Variants in PCNT observed in about 807,000 individuals in gnomAD.
PCNT encodes the protein pericentrin.
In PCNT, 319 loss-of-function variants were observed where a neutral mutation model predicts 380.4. The observed-to-expected ratio is 0.84, with a 90% CI of 0.77 to 0.92. The LOEUF is 0.92. PCNT is among the 40% of genes least tolerant of loss of function. PCNT has a pLI of 0.00. For missense variants in PCNT, 4,400 were observed against 4,255.3 expected (o/e 1.03, Z -0.95); for synonymous variants, 1,845 against 1,735.2 (o/e 1.06, Z -1.57).
Position 46,398,239 on chromosome 21 carries a change from C to A in PCNT, c.4568C>A (p.Ala1523Glu). 1 of 1,607,398 alleles carries A rather than the reference C, an allele frequency of 6.2e-7. No individual in the cohort carries two copies. The highest frequency in any genetic ancestry group is 2.2e-5 in the East Asian group (1 of 44,716). Residue 1523 changes from alanine (A) to glutamate (E), a missense_variant, in exon 24 of 47, where the codon GCG becomes GAG. Coordinates refer to ENST00000359568, the MANE Select transcript of PCNT (RefSeq NM_006031.6). ...CCATGTACATGAAATCGGCAGCAGG[C>A]GCCGCTGGATGGAGAGGTGAGGAGG... ...QPWGPRDSQQ[A>E]PLDGEVELLQ...
chr21:46,421,302 C>T (rs2087239333), intron 31 of PCNT, among the ~76,000 whole-genome samples: 1 of 143,620 alleles, frequency 7.0e-6, no homozygotes, highest in South Asian at 2.1e-4. Flanking sequence ...CATCCTCATC[C>T]TCCTGTTTTG....
intron 27 of PCNT, among the ~76,000 whole-genome samples, chr21:46,406,823 T>G (rs968807948): frequency 1.3e-5 from 2 of 152,268 alleles, no homozygotes; most frequent in African/African-American, 4.8e-5. Context: ...TTTTTCTCTT[T>G]TATTCTACTA....
intron 29 of PCNT, among the ~76,000 whole-genome samples, chr21:46,414,252 G>A (rs1031497871): frequency 4.1e-4 from 63 of 151,998 alleles, no homozygotes; most frequent in Middle Eastern, 3.4e-3. Flanking sequence ...TCAGCCTCCC[G>A]AAGTGCTGGG....
Position 46,356,215 on chromosome 21 carries a change from C to T in PCNT, c.1936+589C>T, listed in dbSNP as rs189031265. ...CTGTGCTGATGGTGGGGCTGCCGTC[C>T]ATGGTGGGGGTGAGGGGCTGAGGCC... On this transcript the variant is annotated intron_variant, in intron 12 of 46. Coordinates refer to ENST00000359568, the MANE Select transcript of PCNT (RefSeq NM_006031.6). Among the ~76,000 whole-genome samples the T allele has an allele frequency of 2.8e-4, 43 of 152,292 alleles. No individual in the cohort carries two copies. The East Asian group carries it at 7.0e-3, about 25-fold the overall frequency.
At position 46,427,806 on chromosome 21, in the gene PCNT, G is replaced by C; in HGVS notation, c.7494+11G>C. On this transcript the variant is annotated intron_variant, in intron 34 of 46. Transcript: ENST00000359568. ...ATCATCCGTGAGCAGGTGAGTGTCA[G>C]CTCTGCCACCAGGCCTCAGTTTGCC... is the stretch of plus-strand genomic sequence containing the variant. 7 of 1,612,932 alleles carry C rather than the reference G, an allele frequency of 4.3e-6. No individual in the cohort carries two copies. The highest frequency in any genetic ancestry group is 4.5e-5 in the East Asian group (2 of 44,870).
chr21:46,390,524 T>G, intron 19 of PCNT, 146 bp from the exon 20 acceptor site: 1 of 810,752 alleles, frequency 1.2e-6, no homozygotes, highest in Non-Finnish European at 2.1e-6. Flanking sequence ...GGCTGAGATG[T>G]GCTCAGGTCC....
chr21:46,415,565 A>T (rs1209250288), intron 29 of PCNT, among the ~76,000 whole-genome samples: 7 of 151,618 alleles, frequency 4.6e-5, no homozygotes, highest in African/African-American at 1.7e-4. Flanking sequence ...TTGTATTTTT[A>T]GTAGAGACAG....
At chr21:46,350,643 G>C (rs1379402748) in intron 8 of PCNT, among the ~76,000 whole-genome samples, 1 of 152,188 alleles carries the variant, frequency 6.6e-6, no homozygotes, top group Admixed American at 6.5e-5. Flanking sequence ...TTGGGGTCTA[G>C]GGTCTTAGGG....
chr21:46,429,895 T>G, intron 35 of PCNT, 115 bp from the exon 36 acceptor site: 1 of 787,130 alleles, frequency 1.3e-6, no homozygotes, highest in South Asian at 1.7e-5. Context: ...CAGAACCTCC[T>G]TTCTTCCCGA....
chr21:46,399,327 C>A (rs1389062541), intron 24 of PCNT, among the ~76,000 whole-genome samples: 1 of 151,858 alleles, frequency 6.6e-6, no homozygotes, highest in African/African-American at 2.4e-5. Flanking sequence ...GGGTCTAGGT[C>A]TCCCTGTGCA....
rs894478100 is a variant in PCNT, at chr21:46,442,315, A to C, written c.9624-182A>C. ...CGCCGCCGCCGGCAGCCCTGCGAGC[A>C]CTTTGGATGTGTGCACCCGGCATGC... On this transcript the variant is annotated intron_variant, in intron 43 of 46. Coordinates refer to ENST00000359568, the MANE Select transcript of PCNT (RefSeq NM_006031.6). Among the ~76,000 whole-genome samples, 9 of 152,100 alleles carry C rather than the reference A, an allele frequency of 5.9e-5. 1 individual carries two copies. The highest frequency in any genetic ancestry group is 2.2e-4 in the African/African-American group (9 of 41,480).
At chr21:46,439,654 C>T (rs2300563) in intron 41 of PCNT, among the ~76,000 whole-genome samples, 41,299 of 152,062 alleles carry the variant, frequency 0.27, 5,998 homozygotes, top group East Asian at 0.36. Context: ...GAATATTTTT[C>T]ACCCACAGTT....
At chr21:46,429,960 C>T (rs1417967422) in intron 35 of PCNT, 50 bp from the exon 36 acceptor site, 8 of 1,471,148 alleles carry the variant, frequency 5.4e-6, no homozygotes, top group Non-Finnish European at 7.6e-6. Flanking sequence ...GTCACTTGTG[C>T]AGCACGAGGA....
chr21:46,361,237 A>C (rs1480588173), intron 13 of PCNT, among the ~76,000 whole-genome samples: 2 of 152,124 alleles, frequency 1.3e-5, no homozygotes, highest in Non-Finnish European at 2.9e-5. Context: ...AATAAAATAA[A>C]AAAATTAGGC....
chr21:46,333,137 T>C (rs917774637), intron 2 of PCNT, among the ~76,000 whole-genome samples: 1 of 151,220 alleles, frequency 6.6e-6, no homozygotes, highest in Non-Finnish European at 1.5e-5. Context: ...ATTTCTTTTT[T>C]AAAGTAGAAT....
In PCNT at chr21:46,388,927, C is replaced by CGGCT. The variant is rs142584042; in HGVS notation, c.3607+43_3607+44insGGCT. ...AGCTGCCCAGCCCTGTGCTTGCAGC[C>CGGCT]CCTCTGTGGTCCTGGAGCTCTCTGA... On this transcript the variant is annotated intron_variant, in intron 18 of 46. Transcript: ENST00000359568. The surrounding 1 kb of genome is among the most constrained non-coding windows in gnomAD (Gnocchi z 4.2). 2.3e-3 allele frequency: 3,548 copies of CGGCT among 1,556,148 alleles called. 84 individuals are homozygous for CGGCT. In the African/African-American group the frequency reaches 0.043, roughly 19 times the overall value.
At chr21:46,340,223 G>C (rs2083874307) in intron 3 of PCNT, among the ~76,000 whole-genome samples, 1 of 152,122 alleles carries the variant, frequency 6.6e-6, no homozygotes, top group Non-Finnish European at 1.5e-5. Flanking sequence ...TCACTCTCAG[G>C]AGACAAGCAC....
At chr21:46,379,091 A>G (rs139279670) in intron 15 of PCNT, among the ~76,000 whole-genome samples, 1 of 152,284 alleles carries the variant, frequency 6.6e-6, no homozygotes, top group African/African-American at 2.4e-5. Context: ...GCTAGTGATG[A>G]ATCCTCTTAG....
Position 46,355,520 on chromosome 21 carries a change from T to TC in PCNT, c.1834dup (p.Leu612ProfsTer30). On this transcript the variant is annotated frameshift_variant, in exon 12 of 47. Transcript: ENST00000359568. LOFTEE classifies it high-confidence loss of function. ...GGCACCAGCTGGAAGCGCTGGAGTCTCCCCTCTGCATCCAGCACGAGGGGC... is the reference window on the plus strand; with the variant it reads ...GGCACCAGCTGGAAGCGCTGGAGTCTCCCCCTCTGCATCCAGCACGAGGGGC... 1 of 1,613,884 alleles carries TC rather than the reference T, an allele frequency of 6.2e-7. No individual in the cohort carries two copies. The highest frequency in any genetic ancestry group is 8.5e-7 in the Non-Finnish European group (1 of 1,179,882).
Sources: allele counts gnomAD v4.1 joint callset (sites outside exome capture counted in the v4.1 genomes callset), GRCh38; gene constraint gnomAD v4.1.1; non-coding constraint Gnocchi (gnomAD v3.1); transcripts MANE v1.5; gene names NCBI Gene and HGNC (gene_info 2026-07-23, HGNC 2026-07-21).